GCSH: variants seen among roughly 807,000 people sequenced by gnomAD.
GCSH encodes glycine cleavage system H protein, mitochondrial.
A neutral mutation model predicts 21.3 loss-of-function variants in GCSH; 15 were observed. The observed-to-expected ratio is 0.70, with a 90% CI of 0.47 to 1.08. The LOEUF is 1.08. GCSH is among the 50% of genes least tolerant of loss of function. GCSH has a pLI of 0.00. For missense variants in GCSH, 179 were observed against 217.5 expected, an observed-to-expected ratio of 0.82 and a Z score of 1.11; for synonymous variants, 59 against 84.5, an observed-to-expected ratio of 0.70 and a Z score of 1.66.
chr16:81,092,702 C>T (rs755543407), intron 1 of GCSH, among the ~76,000 whole-genome samples: 6 of 151,792 alleles, frequency 4.0e-5, no homozygotes, highest in Non-Finnish European at 8.8e-5. Context: ...GAGATCACGC[C>T]ACTGCACTCC....
intron 3 of GCSH, among the ~76,000 whole-genome samples, chr16:81,085,155 C>G (rs999099178): frequency 2.6e-5 from 4 of 151,366 alleles, no homozygotes; most frequent in Non-Finnish European, 5.9e-5. Flanking sequence ...GCTAGGATTA[C>G]AGGCGCGCAC....
At chr16:81,085,207 G>A (rs908524741) in intron 3 of GCSH, among the ~76,000 whole-genome samples, 16 of 151,518 alleles carry the variant, frequency 1.1e-4, no homozygotes, top group Non-Finnish European at 1.8e-4. Flanking sequence ...TAGAGACAGC[G>A]TTTCACTGTG....
chr16:81,083,330 C>A, intron 4 of GCSH: 1 of 271,598 alleles, frequency 3.7e-6, no homozygotes, highest in South Asian at 3.7e-5. Flanking sequence ...CCAGCCTGGC[C>A]AACATAGTGG....
At chr16:81,090,264 T>C (rs1353114083) in intron 2 of GCSH, among the ~76,000 whole-genome samples, 2 of 152,040 alleles carry the variant, frequency 1.3e-5, no homozygotes, top group African/African-American at 4.8e-5. Context: ...CTAATTTTTG[T>C]ATTTTGCAGT....
At chr16:81,093,448 C>A (rs189250731) in intron 1 of GCSH, among the ~76,000 whole-genome samples, 5 of 152,236 alleles carry the variant, frequency 3.3e-5, no homozygotes, top group Admixed American at 1.3e-4. Context: ...TAGTACAATT[C>A]TCCTTAACAA....
chr16:81,086,306 G>T (rs1485909512), intron 3 of GCSH, among the ~76,000 whole-genome samples: 2 of 151,364 alleles, frequency 1.3e-5, no homozygotes, highest in Non-Finnish European at 3.0e-5. Context: ...GCCAAGGCGG[G>T]TAGATCACTT....
At chr16:81,090,375 C>A (rs1203319816) in intron 2 of GCSH, among the ~76,000 whole-genome samples, 1 of 151,974 alleles carries the variant, frequency 6.6e-6, no homozygotes, top group Non-Finnish European at 1.5e-5. Flanking sequence ...AGCAACCATG[C>A]CAGGCTAATT....
chr16:81,096,324 C>G lies in GCSH; in HGVS notation c.-46G>C, dbSNP rs1462323498. ...CGCAGCGCTACGCCTCGGCCACCCG[C>G]GCCGGGAGGCGGGGCGGGGAGGGGC... On this transcript the variant is annotated 5_prime_UTR_variant, in exon 1 of 5. Coordinates refer to ENST00000315467, the MANE Select transcript of GCSH (RefSeq NM_004483.5). 2 of 1,335,098 alleles carry G rather than the reference C, an allele frequency of 1.5e-6. No individual in the cohort carries two copies. The highest frequency in any genetic ancestry group is 8.0e-5 in the Admixed American group (2 of 24,958). The allele number at this position is 1,335,098 out of a possible 1,614,324, so 82.7% of individuals were successfully genotyped here. A position where few individuals can be genotyped will look rare whatever the true frequency, so the allele number is the denominator to read the frequency against.
chr16:81,090,586 A>C lies in GCSH; in HGVS notation c.228+15T>G. The C allele has an allele frequency of 6.6e-7, 1 of 1,514,030 alleles. No homozygotes were observed. 93.8% of individuals were successfully genotyped at this position (1,514,030 alleles called of 1,614,324 possible). A position where few individuals can be genotyped will look rare whatever the true frequency, so the allele number is the denominator to read the frequency against. On this transcript the variant is annotated intron_variant, in intron 2 of 4. Coordinates refer to ENST00000315467, the MANE Select transcript of GCSH (RefSeq NM_004483.5). Reference sequence around the variant, plus strand: ...AAGAGCACACTGGGACAAATATTTCAATATAATCCAATACCTGTGCAAAAT... The same window carrying C: ...AAGAGCACACTGGGACAAATATTTCCATATAATCCAATACCTGTGCAAAAT...
intron 1 of GCSH, chr16:81,091,217 G>A: frequency 5.1e-6 from 2 of 391,044 alleles, no homozygotes; most frequent in Non-Finnish European, 9.8e-6. Flanking sequence ...GAATGAAACT[G>A]ACCTCCTGGA....
At chr16:81,084,975 A>G (rs1972242831) in intron 3 of GCSH, among the ~76,000 whole-genome samples, 1 of 150,086 alleles carries the variant, frequency 6.7e-6, no homozygotes, top group South Asian at 2.1e-4. Flanking sequence ...TCGGCCTCCC[A>G]AAGTGCTGGG....
intron 3 of GCSH, among the ~76,000 whole-genome samples, chr16:81,084,851 A>G (rs1243067665): frequency 6.6e-6 from 1 of 151,550 alleles, no homozygotes; most frequent in African/African-American, 2.4e-5. Flanking sequence ...AGCTGGGACT[A>G]CAGGCGCCCA....
intron 4 of GCSH, chr16:81,083,425 A>AACCCG (rs1972210205): frequency 1.0e-5 from 2 of 197,598 alleles, no homozygotes; most frequent in African/African-American, 4.8e-5. Flanking sequence ...GCTGAGGCAG[A>AACCCG]AGAAGTGCTT....
At chr16:81,094,542 C>A (rs1288516690) in intron 1 of GCSH, among the ~76,000 whole-genome samples, 1 of 151,890 alleles carries the variant, frequency 6.6e-6, no homozygotes, top group Non-Finnish European at 1.5e-5. Flanking sequence ...AAACCACAGA[C>A]TTGAAACTAA....
At chr16:81,084,364 G>A in intron 4 of GCSH, 99 bp downstream of exon 4, 1 of 917,892 alleles carries the variant, frequency 1.1e-6, no homozygotes, top group Non-Finnish European at 1.8e-6. Flanking sequence ...CCAAGAAGTA[G>A]AAAAAGATGA....
chr16:81,083,043 G>C (rs1972201435), intron 4 of GCSH, 80 bp from the exon 5 acceptor site: 5 of 874,278 alleles, frequency 5.7e-6, no homozygotes, highest in Non-Finnish European at 9.9e-6. Context: ...ATAAATTTCT[G>C]AGCGCCTCAA....
At chr16:81,088,689 C>T (rs1474905856) in intron 2 of GCSH, among the ~76,000 whole-genome samples, 2 of 152,210 alleles carry the variant, frequency 1.3e-5, no homozygotes, top group Non-Finnish European at 2.9e-5. Flanking sequence ...GTGTGAGCCA[C>T]TGCGCCCGGC....
At chr16:81,085,574 A>G (rs1163298287) in intron 3 of GCSH, among the ~76,000 whole-genome samples, 4 of 152,210 alleles carry the variant, frequency 2.6e-5, no homozygotes, top group African/African-American at 4.8e-5. Flanking sequence ...TCAGATAACA[A>G]TTATAAGCTC....
At chr16:81,086,585 A>C (rs925699466) in intron 3 of GCSH, among the ~76,000 whole-genome samples, 2 of 151,700 alleles carry the variant, frequency 1.3e-5, no homozygotes, top group Admixed American at 1.3e-4. Flanking sequence ...AAAAAAGAAC[A>C]GTTTAAAAAA....
Sources: allele counts gnomAD v4.1 joint callset (sites outside exome capture counted in the v4.1 genomes callset), GRCh38; gene constraint gnomAD v4.1.1; transcripts MANE v1.5; gene names NCBI Gene and HGNC (gene_info 2026-07-23, HGNC 2026-07-21).